Variants in ZFHX4 observed in about 807,000 individuals in gnomAD.
ZFHX4 encodes zinc finger homeobox protein 4.
ZFHX4 carries 56 observed loss-of-function variants against 267.6 expected under a neutral mutation model. That is an observed-to-expected ratio of 0.21 (90% confidence interval 0.17 to 0.26). The LOEUF (loss-of-function observed/expected upper bound fraction) is 0.26, where lower values mean the gene tolerates loss of function less well. Ranked by LOEUF, ZFHX4 falls within the 10% of genes least tolerant of loss-of-function variation. The pLI is 1.00. For synonymous variants in ZFHX4, 1,778 were observed against 1,665.6 expected (o/e 1.07, Z -1.64); for missense variants, 4,332 against 4,420.0 (o/e 0.98, Z 0.56).
chr8:76,710,719 C>G (rs1459948629), intron 3 of ZFHX4, among the ~76,000 whole-genome samples: 2 of 152,146 alleles, frequency 1.3e-5, no homozygotes, highest in African/African-American at 4.8e-5. Flanking sequence ...CATATTGATT[C>G]ATAACACTAA....
intron 5 of ZFHX4, among the ~76,000 whole-genome samples, chr8:76,836,649 C>A (rs1812100329): frequency 6.6e-6 from 1 of 151,866 alleles, no homozygotes; most frequent in Non-Finnish European, 1.5e-5. Flanking sequence ...GAAAAGTAGG[C>A]AAGGGCTTAA....
chr8:76,724,254 C>A (rs993240725), intron 3 of ZFHX4, among the ~76,000 whole-genome samples: 12 of 151,876 alleles, frequency 7.9e-5, no homozygotes, highest in Non-Finnish European at 1.8e-4. Flanking sequence ...CTTAAGGCTC[C>A]AAGAGAAGAT....
intron 5 of ZFHX4, among the ~76,000 whole-genome samples, chr8:76,836,239 G>A (rs1245342876): frequency 1.3e-5 from 2 of 152,156 alleles, no homozygotes; most frequent in East Asian, 3.9e-4. Context: ...TGATATGTTA[G>A]AGCAGAGGTT....
At chr8:76,706,782 G>A in intron 2 of ZFHX4, 104 bp downstream of exon 2, 1 of 1,266,540 alleles carries the variant, frequency 7.9e-7, no homozygotes, top group South Asian at 1.6e-5. Flanking sequence ...ATTGAGGACA[G>A]CTTACTAGAA....
Position 76,864,289 on chromosome 8 carries a change from C to G in ZFHX4, c.10575C>G (p.Ser3525=), listed in dbSNP as rs1390700618. 2 of 1,613,894 alleles carry G rather than the reference C, an allele frequency of 1.2e-6. No individual in the cohort carries two copies. Among genetic ancestry groups the G allele is most frequent in the Non-Finnish European group, 1.7e-6 (2 of 1,179,846 alleles). The change falls in exon 11 of 11, where the codon TCC becomes TCG. Residue 3525 remains serine, a synonymous_variant. Coordinates refer to ENST00000651372, the MANE Select transcript of ZFHX4 (RefSeq NM_024721.5). Reference sequence around the variant, plus strand: ...ATCTTTCTTGCTTCTCCATGAAGTCCTGGCCTAATATCCTTTTCCAAGCGT... The same window carrying G: ...ATCTTTCTTGCTTCTCCATGAAGTCGTGGCCTAATATCCTTTTCCAAGCGT... The part of the protein sequence containing the change: ...YPHLSCFSMK[S]WPNILFQASA...
chr8:76,818,181 T>A (rs1233946299), intron 4 of ZFHX4, among the ~76,000 whole-genome samples: 1 of 152,102 alleles, frequency 6.6e-6, no homozygotes, highest in African/African-American at 2.4e-5. Context: ...ACATGAAAAT[T>A]GAGTAGGGAA....
At chr8:76,859,869 G>A (rs1377387966) in intron 10 of ZFHX4, among the ~76,000 whole-genome samples, 3 of 151,988 alleles carry the variant, frequency 2.0e-5, no homozygotes, top group African/African-American at 2.4e-5. Flanking sequence ...TAAGAAGCAG[G>A]CATTTTCTTC....
At chr8:76,862,650 G>A (rs971852778) in intron 10 of ZFHX4, among the ~76,000 whole-genome samples, 3 of 152,174 alleles carry the variant, frequency 2.0e-5, no homozygotes, top group African/African-American at 7.2e-5. Flanking sequence ...TTTAGTGAAC[G>A]TGGTAATTAT....
At chr8:76,834,811 T>C (rs972812199) in intron 5 of ZFHX4, among the ~76,000 whole-genome samples, 1 of 152,040 alleles carries the variant, frequency 6.6e-6, no homozygotes, top group Non-Finnish European at 1.5e-5. Flanking sequence ...ATCTAAAAAA[T>C]TGTTGCCAAA....
At chr8:76,763,487 A>C (rs893582282) in intron 3 of ZFHX4, among the ~76,000 whole-genome samples, 1 of 151,932 alleles carries the variant, frequency 6.6e-6, no homozygotes, top group Non-Finnish European at 1.5e-5. Context: ...GCTGGGCATG[A>C]TGGCATGGAC....
At chr8:76,823,855 T>C (rs1210705275) in intron 4 of ZFHX4, among the ~76,000 whole-genome samples, 1 of 152,240 alleles carries the variant, frequency 6.6e-6, no homozygotes, top group Non-Finnish European at 1.5e-5. Context: ...TTCTCCCATG[T>C]ATACAATTGT....
At chr8:76,761,154 C>T (rs925906960) in intron 3 of ZFHX4, among the ~76,000 whole-genome samples, 2 of 152,126 alleles carry the variant, frequency 1.3e-5, no homozygotes, top group Admixed American at 1.3e-4. Flanking sequence ...GACCTATAAC[C>T]AAACACTGTT....
intron 3 of ZFHX4, among the ~76,000 whole-genome samples, chr8:76,709,386 G>T (rs1808362457): frequency 1.3e-5 from 2 of 152,150 alleles, no homozygotes; most frequent in African/African-American, 4.8e-5. Context: ...AAGCTTCTAA[G>T]TTGACAGTAT....
intron 4 of ZFHX4, among the ~76,000 whole-genome samples, chr8:76,799,821 C>T (rs954449028): frequency 2.2e-4 from 34 of 152,106 alleles, no homozygotes; most frequent in African/African-American, 8.0e-4. Flanking sequence ...CAGGAAACAT[C>T]GTCTTGCCTT....
chr8:76,860,054 A>G (rs1812827569), intron 10 of ZFHX4, among the ~76,000 whole-genome samples: 2 of 152,072 alleles, frequency 1.3e-5, no homozygotes. Flanking sequence ...AACTAGATAA[A>G]AGATAAAATT....
chr8:76,864,706 T>A lies in ZFHX4; in HGVS notation c.*141T>A, dbSNP rs560378518. 42 of 605,978 alleles carry A rather than the reference T, an allele frequency of 6.9e-5. No individual in the cohort carries two copies. The East Asian group carries it at 1.1e-3, about 16-fold the overall frequency. 37.5% of individuals were successfully genotyped at this position (605,978 alleles called of 1,614,324 possible). On this transcript the variant is annotated 3_prime_UTR_variant, in exon 11 of 11. Coordinates refer to ENST00000651372, the MANE Select transcript of ZFHX4 (RefSeq NM_024721.5). ...TTGACTCAGGATTGTTTTTCCCATA[T>A]TGATATGCTGGCAATATAGGATGGT...
intron 4 of ZFHX4, among the ~76,000 whole-genome samples, chr8:76,819,650 A>T (rs561965755): frequency 2.0e-5 from 3 of 152,170 alleles, no homozygotes; most frequent in Non-Finnish European, 4.4e-5. Context: ...AAGAAGGAAG[A>T]CAGAGTGCCC....
At chr8:76,719,150 ATGTG>A (rs10589034) in intron 3 of ZFHX4, among the ~76,000 whole-genome samples, 8,938 of 134,300 alleles carry the variant, frequency 0.067, 769 homozygotes, top group African/African-American at 0.2. Context: ...GATGAATTGC[ATGTG>A]TGTGTGTGTG....
intron 4 of ZFHX4, chr8:76,782,048 A>C: frequency 2.9e-6 from 1 of 341,654 alleles, no homozygotes; most frequent in Non-Finnish European, 5.9e-6. Flanking sequence ...ACTAGCTATA[A>C]TCTCAAATAT....
Sources: gnomAD v4.1 joint callset for allele counts (sites outside exome capture counted in the v4.1 genomes callset) on GRCh38, gnomAD v4.1.1 for gene constraint, MANE v1.5 for transcripts, NCBI Gene and HGNC (gene_info 2026-07-23, HGNC 2026-07-21) for gene names.